Variants in PIAS2 observed in about 807,000 individuals in gnomAD.
PIAS2 encodes E3 SUMO-protein ligase PIAS2.
Under a neutral mutation model 69.7 loss-of-function variants are expected in PIAS2, and 19 were observed. The ratio of observed to expected loss-of-function variants is 0.27; its 90% confidence interval spans 0.19 to 0.40. The LOEUF is 0.40. PIAS2 is among the 10% of genes least tolerant of loss of function. The probability of loss-of-function intolerance (pLI) is 1.00; values close to 1 mark genes in which losing one functional copy is unlikely to be tolerated. For missense variants in PIAS2, 624 were observed against 757.0 expected, an observed-to-expected ratio of 0.82 and a Z score of 2.06; for synonymous variants, 261 against 263.2, an observed-to-expected ratio of 0.99 and a Z score of 0.08.
chr18:46,856,822 T>C (rs953866801), intron 3 of PIAS2, among the ~76,000 whole-genome samples: 4 of 152,180 alleles, frequency 2.6e-5, no homozygotes, highest in East Asian at 3.8e-4. Context: ...TGAGCCCCCA[T>C]GGTGCTCTAA....
intron 2 of PIAS2, among the ~76,000 whole-genome samples, chr18:46,878,877 A>G (rs1314061040): frequency 6.6e-6 from 1 of 152,240 alleles, no homozygotes; most frequent in African/African-American, 2.4e-5. Flanking sequence ...TATAAAAAAC[A>G]AAAACAAAAA....
chr18:46,890,539 T>C, intron 2 of PIAS2, 41 bp downstream of exon 2: 1 of 1,222,080 alleles, frequency 8.2e-7, no homozygotes, highest in Non-Finnish European at 1.2e-6. Flanking sequence ...TCATTTCATT[T>C]ACTATCTTGT....
At chr18:46,878,893 A>G (rs1209919371) in intron 2 of PIAS2, among the ~76,000 whole-genome samples, 8 of 152,144 alleles carry the variant, frequency 5.3e-5, no homozygotes, top group African/African-American at 1.9e-4. Flanking sequence ...AAAAACAAGA[A>G]TGCTTCCTAG....
chr18:46,833,540 T>C (rs537527192), intron 9 of PIAS2, among the ~76,000 whole-genome samples: 2 of 152,296 alleles, frequency 1.3e-5, no homozygotes, highest in Non-Finnish European at 2.9e-5. Context: ...AAATGCCTAC[T>C]TCATAAGAGG....
upstream of PIAS2, chr18:46,917,564 C>A: frequency 2.7e-6 from 3 of 1,101,562 alleles, no homozygotes; most frequent in South Asian, 1.3e-4. Flanking sequence ...AGCGGTGCCC[C>A]CTGCCCACCC....
chr18:46,840,608 C>T (rs370647963), intron 8 of PIAS2, among the ~76,000 whole-genome samples: 10 of 152,078 alleles, frequency 6.6e-5, no homozygotes, highest in Admixed American at 6.5e-4. Flanking sequence ...AAGTTGCTGA[C>T]CCTAAATTTA....
chr18:46,862,360 C>T (rs752027111), intron 3 of PIAS2, among the ~76,000 whole-genome samples: 1 of 152,086 alleles, frequency 6.6e-6, no homozygotes, highest in South Asian at 2.1e-4. Context: ...TAATTAAGTA[C>T]AGAATTTCCC....
At chr18:46,905,101 A>C (rs1312390130) in intron 1 of PIAS2, among the ~76,000 whole-genome samples, 1 of 152,204 alleles carries the variant, frequency 6.6e-6, no homozygotes, top group Non-Finnish European at 1.5e-5. Flanking sequence ...GTACAAATAA[A>C]AATTATTAAA....
In PIAS2 at chr18:46,812,161, C is replaced by T. The variant is rs771444875; in HGVS notation, c.*272G>A. The T allele has an allele frequency of 1.8e-4, 49 of 265,812 alleles. No homozygotes were observed. The highest frequency in any genetic ancestry group is 3.4e-4 in the Admixed American group (7 of 20,644). The allele number at this position is 265,812 out of a possible 1,614,324, so 16.5% of individuals were successfully genotyped here. ...CTGATTTGTAGACTCCATCCATTAA[C>T]GTATGAAAGTGAAATCCATCTCTCA... On this transcript the variant is annotated 3_prime_UTR_variant, in exon 14 of 14. Transcript: ENST00000585916.
Position 46,809,877 on chromosome 18 carries a change from A to C in PIAS2, c.*2556T>G, listed in dbSNP as rs1024102356. The C allele has an allele frequency of 6.6e-6, 1 of 152,240 alleles. No homozygotes were observed. The highest frequency in any genetic ancestry group is 2.4e-5 in the African/African-American group (1 of 41,454). The allele number at this position is 152,240 out of a possible 1,614,324, so 9.4% of individuals were successfully genotyped here. The stretch of plus-strand genomic sequence containing the variant: ...GGTGACAGCTAAGATCACCCCTCTG[A>C]AACTCCCTTATATTTGGTTAAGCAG... On this transcript the variant is annotated 3_prime_UTR_variant, in exon 14 of 14. Coordinates refer to ENST00000585916, the MANE Select transcript of PIAS2 (RefSeq NM_004671.5).
intron 3 of PIAS2, among the ~76,000 whole-genome samples, chr18:46,863,773 G>A (rs530603529): frequency 2.0e-5 from 3 of 152,124 alleles, no homozygotes; most frequent in Non-Finnish European, 4.4e-5. Context: ...AACTGTTATG[G>A]ACTGAATTGT....
At chr18:46,850,025 A>T (rs2046730878) in intron 5 of PIAS2, among the ~76,000 whole-genome samples, 1 of 151,942 alleles carries the variant, frequency 6.6e-6, no homozygotes, top group Admixed American at 6.6e-5. Context: ...ATCACCTAAC[A>T]CCTTGTCTTT....
upstream of PIAS2, chr18:46,918,035 G>T (rs2146418164): frequency 1.3e-5 from 2 of 152,006 alleles, no homozygotes; most frequent in Admixed American, 1.3e-4. Context: ...AAGGGCACCT[G>T]AAGGTCACGG....
Position 46,812,214 on chromosome 18 carries a change from C to G in PIAS2, c.*219G>C. Reference sequence around the variant, plus strand: ...AAGATACAGTTATGGTTGAATGTATCTGATGCTGAGAGTACAGCATAATTA... The same window carrying G: ...AAGATACAGTTATGGTTGAATGTATGTGATGCTGAGAGTACAGCATAATTA... On this transcript the variant is annotated 3_prime_UTR_variant, in exon 14 of 14. Coordinates refer to ENST00000585916, the MANE Select transcript of PIAS2 (RefSeq NM_004671.5). 1 of 425,140 alleles carries G rather than the reference C, an allele frequency of 2.4e-6. No individual in the cohort carries two copies. Among genetic ancestry groups the G allele is most frequent in the South Asian group, 5.3e-5 (1 of 18,928 alleles). 26.3% of individuals were successfully genotyped at this position (425,140 alleles called of 1,614,324 possible).
At chr18:46,836,218 G>T in intron 9 of PIAS2, 139 bp downstream of exon 9, 1 of 662,088 alleles carries the variant, frequency 1.5e-6, no homozygotes, top group Non-Finnish European at 2.6e-6. Context: ...TTAGGTATAA[G>T]ACGGAAAACA....
At chr18:46,914,522 AC>A (rs1303597471) in intron 1 of PIAS2, among the ~76,000 whole-genome samples, 1 of 150,544 alleles carries the variant, frequency 6.6e-6, no homozygotes, top group Non-Finnish European at 1.5e-5. Flanking sequence ...TAGTCAGGCG[AC>A]CCCCTTAACA....
chr18:46,870,676 G>C (rs565539574), intron 2 of PIAS2, among the ~76,000 whole-genome samples: 2 of 149,668 alleles, frequency 1.3e-5, no homozygotes, highest in East Asian at 3.9e-4. Flanking sequence ...TGACCCATGT[G>C]GGGTAGCAGA....
In PIAS2 at chr18:46,890,665, T is replaced by C. The variant is rs2053937075; in HGVS notation, c.414A>G (p.Pro138=). Residue 138 remains proline (P), a synonymous_variant, in exon 2 of 14, where the codon CCA becomes CCG. Coordinates refer to ENST00000585916, the MANE Select transcript of PIAS2 (RefSeq NM_004671.5). The part of the protein sequence containing the change: ...PTFEMQQPSP[P]IPPVHPDVQL... ...GCACATCAGGATGGACAGGAGGAAT[T>C]GGGGGAGATGGCTGCTGCATCTCAA... 2 of 1,614,050 alleles carry C rather than the reference T, an allele frequency of 1.2e-6. No homozygotes were observed. The highest frequency in any genetic ancestry group is 2.7e-5 in the African/African-American group (2 of 75,012).
At position 46,897,582 on chromosome 18, in the gene PIAS2, G is replaced by C. The variant is rs1474866817; in HGVS notation, c.25-6528C>G. ...AAAATTCATCATTATTCTGACAACT[G>C]ATAGAGAAAATGCAAACAGATTTTT... On this transcript the variant is annotated intron_variant, in intron 1 of 13. Coordinates refer to ENST00000585916, the MANE Select transcript of PIAS2 (RefSeq NM_004671.5). Among the ~76,000 whole-genome samples, 5 of 152,166 alleles carry C rather than the reference G, an allele frequency of 3.3e-5. No individual in the cohort carries two copies. The South Asian group carries it at 1.0e-3, about 32-fold the overall frequency.
Sources: gnomAD v4.1 joint callset for allele counts (sites outside exome capture counted in the v4.1 genomes callset) on GRCh38, gnomAD v4.1.1 for gene constraint, MANE v1.5 for transcripts, NCBI Gene and HGNC (gene_info 2026-07-23, HGNC 2026-07-21) for gene names.